The following MGAT5 variants were observed in gnomAD, a reference collection of about 807,000 sequenced individuals.
MGAT5 encodes the protein alpha-1,6-mannosylglycoprotein 6-beta-N-acetylglucosaminyltransferase, also known as alpha-1,6-mannosylglycoprotein 6-beta-N-acetylglucosaminyltransferase A.
Under a neutral mutation model 94.3 loss-of-function variants are expected in MGAT5, and 30 were observed. The ratio of observed to expected loss-of-function variants is 0.32; its 90% CI spans 0.24 to 0.43. The LOEUF is 0.43. Ranked by LOEUF, MGAT5 falls within the 20% of genes least tolerant of loss-of-function variation. The pLI is 1.00. For missense variants in MGAT5, 691 were observed against 905.5 expected (o/e 0.76, Z 3.04); for synonymous variants, 310 against 322.9 (o/e 0.96, Z 0.43).
chr2:134,315,210 G>A (rs1686928836), intron 2 of MGAT5, among the ~76,000 whole-genome samples: 1 of 152,132 alleles, frequency 6.6e-6, no homozygotes, highest in African/African-American at 2.4e-5. Context: ...CTAGATGGCA[G>A]TGAATATTTC....
At chr2:134,168,200 T>A (rs1169867670) in intron 1 of MGAT5, among the ~76,000 whole-genome samples, 2 of 152,190 alleles carry the variant, frequency 1.3e-5, no homozygotes, top group Non-Finnish European at 2.9e-5. Flanking sequence ...ACAGACTGTG[T>A]CTCCCTTGCC....
intron 10 of MGAT5, among the ~76,000 whole-genome samples, chr2:134,383,808 A>C (rs1353715794): frequency 6.6e-6 from 1 of 150,712 alleles, no homozygotes; most frequent in East Asian, 2.0e-4. Context: ...GGTTCACACC[A>C]TTCTCCTGCC....
rs143771730 is a variant in MGAT5 at position 134,441,539 on chromosome 2, T to C, written c.1870-219T>C. 2.4e-4 allele frequency among the ~76,000 whole-genome samples: 36 copies of C among 152,332 alleles called. No homozygotes were observed. The East Asian group carries it at 5.8e-3, about 25-fold the overall frequency. On this transcript the variant is annotated intron_variant, in intron 14 of 15. Transcript: ENST00000281923. Reference sequence around the variant, plus strand: ...TGTGGAAGGCACTGCTGTTGGTCCCTGTCTTGAGGTTGAGTAAGCTGGTGG... The same window carrying C: ...TGTGGAAGGCACTGCTGTTGGTCCCCGTCTTGAGGTTGAGTAAGCTGGTGG...
intron 10 of MGAT5, among the ~76,000 whole-genome samples, chr2:134,370,426 T>G (rs1680711318): frequency 1.3e-5 from 2 of 152,272 alleles, no homozygotes; most frequent in African/African-American, 4.8e-5. Flanking sequence ...AGAATCAGTT[T>G]TGTTGGATTT....
intron 1 of MGAT5, among the ~76,000 whole-genome samples, chr2:134,122,577 GTTTCACCCTT>G (rs952070785): frequency 1.3e-5 from 2 of 152,216 alleles, no homozygotes; most frequent in African/African-American, 4.8e-5. Flanking sequence ...GAGGGTGACT[GTTTCACCCTT>G]TGTAGGGGCT....
At chr2:134,201,115 G>A (rs566724096) in intron 1 of MGAT5, among the ~76,000 whole-genome samples, 1 of 152,070 alleles carries the variant, frequency 6.6e-6, no homozygotes, top group African/African-American at 2.4e-5. Flanking sequence ...CCTTTATTAA[G>A]GATGCCCTCT....
intron 1 of MGAT5, among the ~76,000 whole-genome samples, chr2:134,227,742 A>G (rs1681137956): frequency 6.6e-6 from 1 of 152,096 alleles, no homozygotes; most frequent in African/African-American, 2.4e-5. Context: ...AGCATCTTGT[A>G]TGGACTCAAA....
chr2:134,362,172 C>T (rs1558824817), intron 9 of MGAT5, 103 bp from the exon 10 acceptor site: 1 of 1,409,408 alleles, frequency 7.1e-7, no homozygotes, highest in Non-Finnish European at 9.7e-7. Context: ...AAGATGAAAA[C>T]AAACATTTTG....
At position 134,431,648 on chromosome 2, in the gene MGAT5, G is replaced by GT. The variant is rs554616930; in HGVS notation, c.1869+3210dup. Among the ~76,000 whole-genome samples, 1,194 of 152,322 alleles carry GT rather than the reference G, an allele frequency of 7.8e-3. 10 individuals carry two copies. Among genetic ancestry groups the GT allele is most frequent in the Non-Finnish European group, 9.6e-3 (654 of 68,026 alleles). ...GGAGGCCCTTCCCATCCCTTGAATG[G>GT]TAGGAGCACTGCAGCCCTAATTAGG... On this transcript the variant is annotated intron_variant, in intron 14 of 15. Transcript: ENST00000281923.
intron 14 of MGAT5, among the ~76,000 whole-genome samples, chr2:134,431,817 G>A (rs1211275247): frequency 1.3e-5 from 2 of 152,174 alleles, no homozygotes; most frequent in African/African-American, 4.8e-5. Flanking sequence ...TCGAGGGCAC[G>A]CCGGGCTTCA....
intron 11 of MGAT5, among the ~76,000 whole-genome samples, chr2:134,408,200 A>C (rs758109199): frequency 6.6e-6 from 1 of 152,174 alleles, no homozygotes; most frequent in Non-Finnish European, 1.5e-5. Context: ...TGGTCAGAAA[A>C]GGGTCCTCCC....
At chr2:134,292,042 A>C (rs527921371) in intron 2 of MGAT5, among the ~76,000 whole-genome samples, 1 of 151,226 alleles carries the variant, frequency 6.6e-6, no homozygotes, top group South Asian at 2.1e-4. Context: ...TTTTTTGTTT[A>C]GAGATGGGCA....
intron 10 of MGAT5, among the ~76,000 whole-genome samples, chr2:134,373,476 A>C (rs1680948531): frequency 6.6e-6 from 1 of 152,266 alleles, no homozygotes; most frequent in Non-Finnish European, 1.5e-5. Flanking sequence ...TATTGGGCAC[A>C]GATTTATAAG....
intron 1 of MGAT5, among the ~76,000 whole-genome samples, chr2:134,158,211 G>A (rs1054558945): frequency 1.3e-5 from 2 of 152,212 alleles, no homozygotes; most frequent in South Asian, 2.1e-4. Flanking sequence ...CATCCCTGGC[G>A]TGAAGGTGGG....
At chr2:134,341,411 A>AAACC (rs1341543733) in intron 6 of MGAT5, among the ~76,000 whole-genome samples, 179 bp from the exon 7 acceptor site, 2 of 152,156 alleles carry the variant, frequency 1.3e-5, no homozygotes, top group Admixed American at 6.5e-5. Context: ...TGTTTCTCTA[A>AAACC]AACCACAATG....
chr2:134,282,952 T>G (rs1573696955), intron 2 of MGAT5, among the ~76,000 whole-genome samples: 1 of 151,788 alleles, frequency 6.6e-6, no homozygotes, highest in South Asian at 2.1e-4. Flanking sequence ...TGGGCCCTTT[T>G]AATTCTAATA....
chr2:134,190,083 A>T (rs1055426262), intron 1 of MGAT5, among the ~76,000 whole-genome samples: 2 of 152,182 alleles, frequency 1.3e-5, no homozygotes, highest in Non-Finnish European at 2.9e-5. Context: ...GTTGCTGGTT[A>T]TAAGGTATCT....
chr2:134,191,953 TCTC>T (rs1436996301), intron 1 of MGAT5, among the ~76,000 whole-genome samples: 2 of 82,540 alleles, frequency 2.4e-5, no homozygotes, highest in African/African-American at 5.0e-5. Context: ...GTGCCCTCCT[TCTC>T]CTCCTGCTCG....
chr2:134,369,848 A>T (rs1202933009), intron 10 of MGAT5, among the ~76,000 whole-genome samples: 1 of 152,034 alleles, frequency 6.6e-6, no homozygotes, highest in Non-Finnish European at 1.5e-5. Flanking sequence ...GATAAGATCA[A>T]TCATTATTCA....
Sources: allele counts gnomAD v4.1 joint callset (sites outside exome capture counted in the v4.1 genomes callset), GRCh38; gene constraint gnomAD v4.1.1; transcripts MANE v1.5; gene names NCBI Gene and HGNC (gene_info 2026-07-23, HGNC 2026-07-21).